Variants in HDAC4 observed in about 807,000 individuals in gnomAD.
HDAC4 encodes the protein histone deacetylase A.
In HDAC4, 16 loss-of-function variants were observed where a neutral mutation model predicts 135.1. That is an observed-to-expected ratio of 0.12 (90% CI 0.08 to 0.18). HDAC4 has a LOEUF of 0.18. Among genes scored for constraint, HDAC4 ranks in the 10% least tolerant of loss-of-function variants. The pLI is 1.00. For missense variants in HDAC4, 1,143 were observed against 1,511.8 expected (o/e 0.76, Z 4.05); for synonymous variants, 685 against 653.4 (o/e 1.05, Z -0.74).
chr2:239,062,532 A>C (rs956736097), intron 24 of HDAC4, among the ~76,000 whole-genome samples: 3 of 152,276 alleles, frequency 2.0e-5, no homozygotes, highest in African/African-American at 7.2e-5. Context: ...TCTTGTTAGA[A>C]GCGCAAACAC....
chr2:239,276,746 C>T (rs963669936), intron 2 of HDAC4, among the ~76,000 whole-genome samples: 7 of 152,196 alleles, frequency 4.6e-5, no homozygotes, highest in Non-Finnish European at 8.8e-5. Context: ...AGACAAAGGC[C>T]GGCTGCAGAG....
intron 22 of HDAC4, among the ~76,000 whole-genome samples, chr2:239,080,055 CACAG>C (rs966117157): frequency 6.0e-5 from 9 of 151,146 alleles, no homozygotes; most frequent in African/African-American, 1.5e-4. Context: ...CACCCACCCA[CACAG>C]ACACACACAC....
Position 239,179,997 on chromosome 2 carries a change from C to T in HDAC4, c.340-3434G>A, listed in dbSNP as rs185251504. Among the ~76,000 whole-genome samples the T allele has an allele frequency of 2.5e-3, 388 of 152,318 alleles. 1 individual carries two copies. Among genetic ancestry groups the T allele is most frequent in the Admixed American group, 4.9e-3 (75 of 15,306 alleles). ...CCAGGTAACTGTGAGCGTGCAAGGG[C>T]GCTGCCCTTCTCTGTGGGCGCCAAC... On this transcript the variant is annotated intron_variant, in intron 4 of 26. Transcript: ENST00000543185.
intron 2 of HDAC4, among the ~76,000 whole-genome samples, chr2:239,264,606 C>T (rs2049598830): frequency 6.6e-6 from 1 of 152,218 alleles, no homozygotes; most frequent in African/African-American, 2.4e-5. Context: ...TTGAGTGATG[C>T]TCCCTAGGGC....
rs754467244 is a variant in HDAC4, at chr2:239,313,012, G to A, written c.22+39666C>T. 2.0e-5 allele frequency among the ~76,000 whole-genome samples: 3 copies of A among 152,294 alleles called. No homozygotes were observed. Among genetic ancestry groups the A allele is most frequent in the South Asian group, 2.1e-4 (1 of 4,820 alleles). On this transcript the variant is annotated intron_variant, in intron 2 of 26. Transcript: ENST00000543185. This position sits in a 1 kb window ranked among gnomAD's most constrained non-coding sequence, Gnocchi z 5.1. ...GCCGACGGGAGGCAGACGAGGTGCC[G>A]GGGGCAGCCTGCAGAGCAAGGAGTC...
At chr2:239,314,227 G>T (rs1049333869) in intron 2 of HDAC4, among the ~76,000 whole-genome samples, 2 of 152,144 alleles carry the variant, frequency 1.3e-5, no homozygotes, top group Non-Finnish European at 1.5e-5. Context: ...CAAGAAGGAC[G>T]GACATAAAGT....
chr2:239,217,863 A>T (rs1389595388), intron 3 of HDAC4, among the ~76,000 whole-genome samples: 1 of 152,178 alleles, frequency 6.6e-6, no homozygotes, highest in Non-Finnish European at 1.5e-5. Flanking sequence ...CTAAGGCGGG[A>T]GGGGGATCGT....
At chr2:239,181,680 C>G (rs906200319) in intron 4 of HDAC4, among the ~76,000 whole-genome samples, 1 of 152,228 alleles carries the variant, frequency 6.6e-6, no homozygotes, top group African/African-American at 2.4e-5. Flanking sequence ...CCAGGCCAGG[C>G]TGCCTGGCTG....
chr2:239,394,633 A>C (rs1028249394), intron 1 of HDAC4, among the ~76,000 whole-genome samples: 6 of 152,234 alleles, frequency 3.9e-5, no homozygotes, highest in African/African-American at 1.2e-4. Flanking sequence ...CTCCAAAATC[A>C]GGACCAAGAA....
rs1373595182 is a variant in HDAC4 at position 239,331,762 on chromosome 2, C to T, written c.22+20916G>A. Among the ~76,000 whole-genome samples, 1 of 152,116 alleles carries T rather than the reference C, an allele frequency of 6.6e-6. No homozygotes were observed. Among genetic ancestry groups the T allele is most frequent in the Admixed American group, 6.5e-5 (1 of 15,274 alleles). ...ATGCAATCTAAAACACGGCGATGCA[C>T]GAGGAGCCCAGGCCTGGGAGAGAAG... On this transcript the variant is annotated intron_variant, in intron 2 of 26. Coordinates refer to ENST00000543185, the MANE Select transcript of HDAC4 (RefSeq NM_001378414.1). The surrounding 1 kb of genome is among the most constrained non-coding windows in gnomAD (Gnocchi z 4.5).
intron 17 of HDAC4, chr2:239,094,227 C>A (rs2036782245): frequency 3.0e-6 from 3 of 985,332 alleles, no homozygotes; most frequent in Admixed American, 6.1e-5. Flanking sequence ...CTTCTCATGG[C>A]CGCCCTCGCT....
At chr2:239,157,417 G>T (rs1352165503) in intron 6 of HDAC4, among the ~76,000 whole-genome samples, 1 of 152,192 alleles carries the variant, frequency 6.6e-6, no homozygotes, top group Non-Finnish European at 1.5e-5. Flanking sequence ...CTACGAAAGG[G>T]ACTTCCTGTA....
intron 17 of HDAC4, among the ~76,000 whole-genome samples, chr2:239,090,978 G>A (rs1050210584): frequency 3.9e-5 from 6 of 152,360 alleles, no homozygotes; most frequent in African/African-American, 1.4e-4. Context: ...GGGACTGGCC[G>A]TGTGGGCGGG....
chr2:239,107,250 G>A (rs893634554), intron 15 of HDAC4, among the ~76,000 whole-genome samples: 4 of 152,210 alleles, frequency 2.6e-5, no homozygotes, highest in South Asian at 2.1e-4. Context: ...GGTGTTAATC[G>A]GCTGATCCTT....
chr2:239,338,022 A>G (rs2125851493), intron 2 of HDAC4, among the ~76,000 whole-genome samples: 1 of 152,214 alleles, frequency 6.6e-6, no homozygotes, highest in South Asian at 2.1e-4. Context: ...CCCCCAGCAC[A>G]CCGAAAGCCA....
intron 1 of HDAC4, among the ~76,000 whole-genome samples, chr2:239,386,959 G>A (rs2126084914): frequency 6.6e-6 from 1 of 152,360 alleles, no homozygotes; most frequent in East Asian, 1.9e-4. Context: ...GCTGTTCTGG[G>A]TTCACCAGGA....
At chr2:239,158,689 G>A (rs78578276) in intron 6 of HDAC4, among the ~76,000 whole-genome samples, 4 of 151,912 alleles carry the variant, frequency 2.6e-5, no homozygotes, top group African/African-American at 4.8e-5. Flanking sequence ...CCAGCTCACC[G>A]CCAGGAGCAC....
chr2:239,383,182 T>G (rs1303157963), intron 1 of HDAC4, among the ~76,000 whole-genome samples: 13 of 152,146 alleles, frequency 8.5e-5, no homozygotes, highest in Admixed American at 8.5e-4. Context: ...TCGAGGAAGA[T>G]GTGCTTGTTT....
chr2:239,370,208 T>G (rs1017334291), intron 1 of HDAC4, among the ~76,000 whole-genome samples: 1 of 152,120 alleles, frequency 6.6e-6, no homozygotes, highest in Non-Finnish European at 1.5e-5. Flanking sequence ...ATGCAACCCT[T>G]AGCCATGGGC....
Sources: allele counts gnomAD v4.1 joint callset (sites outside exome capture counted in the v4.1 genomes callset), GRCh38; gene constraint gnomAD v4.1.1; non-coding constraint Gnocchi (gnomAD v3.1); transcripts MANE v1.5; gene names NCBI Gene and HGNC (gene_info 2026-07-23, HGNC 2026-07-21).